The following CSNK1A1 variants were observed in gnomAD, a reference collection of about 807,000 sequenced individuals.
CSNK1A1 encodes casein kinase I isoform alpha.
In CSNK1A1, 7 loss-of-function variants were observed where a neutral mutation model predicts 46.1. The ratio of observed to expected loss-of-function variants is 0.15; its 90% CI spans 0.09 to 0.29. The LOEUF (loss-of-function observed/expected upper bound fraction) is 0.29, where lower values mean the gene tolerates loss of function less well. CSNK1A1 is among the 10% of genes least tolerant of loss of function. The pLI, the probability that CSNK1A1 is intolerant of heterozygous loss-of-function variation, is 1.00. For missense variants in CSNK1A1, 96 were observed against 417.1 expected (o/e 0.23, Z 6.71); for synonymous variants, 137 against 141.5 (o/e 0.97, Z 0.23).
At chr5:149,513,037 G>A in intron 5 of CSNK1A1, 33 bp downstream of exon 5, 2 of 1,610,886 alleles carry the variant, frequency 1.2e-6, no homozygotes, top group Non-Finnish European at 1.7e-6. Flanking sequence ...TTCTGCTATG[G>A]CTATGATAAG....
intron 2 of CSNK1A1, among the ~76,000 whole-genome samples, chr5:149,546,304 T>G (rs2113202428): frequency 6.6e-6 from 1 of 152,164 alleles, no homozygotes; most frequent in South Asian, 2.1e-4. Flanking sequence ...GGCCAGGTAA[T>G]TTTCAGTCTC....
In CSNK1A1 at chr5:149,509,965, A is replaced by G; in HGVS notation, c.676-12T>C. On this transcript the variant is annotated splice_polypyrimidine_tract_variant and intron_variant, in intron 6 of 9. Coordinates refer to ENST00000377843, the MANE Select transcript of CSNK1A1 (RefSeq NM_001892.6). ...TTCTTTGTTGCAGCCTGTGGAAAAG[A>G]ATAAAATAAAAAAGATATACTCAGT... 1 of 1,575,030 alleles carries G rather than the reference A, an allele frequency of 6.3e-7. No homozygotes were observed. Among genetic ancestry groups the G allele is most frequent in the Non-Finnish European group, 8.7e-7 (1 of 1,153,130 alleles).
chr5:149,542,154 T>C (rs913628531), intron 2 of CSNK1A1, among the ~76,000 whole-genome samples: 1 of 151,776 alleles, frequency 6.6e-6, no homozygotes. Context: ...ATCAACAGAA[T>C]TAGATTCTCA....
chr5:149,502,454 C>T (rs1033517121), intron 9 of CSNK1A1: 29 of 375,318 alleles, frequency 7.7e-5, no homozygotes, highest in Non-Finnish European at 1.1e-4. Context: ...GTGATACTCC[C>T]ACCTCAGCCT....
chr5:149,535,435 A>G (rs1374685171), intron 2 of CSNK1A1, among the ~76,000 whole-genome samples: 1 of 152,128 alleles, frequency 6.6e-6, no homozygotes, highest in Non-Finnish European at 1.5e-5. Context: ...CACCCACCAT[A>G]CTTGTAAAAT....
chr5:149,497,928 G>T, intron 9 of CSNK1A1: 1 of 745,666 alleles, frequency 1.3e-6, no homozygotes, highest in Non-Finnish European at 1.6e-6. Context: ...CTGCCTCCTG[G>T]GTTCAAGCGA....
chr5:149,527,129 C>T (rs1362117703), intron 2 of CSNK1A1, among the ~76,000 whole-genome samples: 1 of 137,474 alleles, frequency 7.3e-6, no homozygotes, highest in African/African-American at 2.6e-5. Flanking sequence ...GCAAAAGAGC[C>T]ATTTTTTTTT....
chr5:149,514,229 T>C (rs1385867524), intron 4 of CSNK1A1, among the ~76,000 whole-genome samples: 2 of 152,220 alleles, frequency 1.3e-5, no homozygotes, highest in African/African-American at 2.4e-5. Context: ...TTTAGTGTTA[T>C]CATGTCTATA....
intron 2 of CSNK1A1, chr5:149,529,865 T>G (rs1761836108): frequency 3.0e-6 from 1 of 332,064 alleles, no homozygotes; most frequent in Admixed American, 3.2e-5. Context: ...AATTAGGAAG[T>G]GTTATACTAT....
intron 9 of CSNK1A1, chr5:149,502,240 A>T (rs553819393): frequency 1.1e-6 from 1 of 946,780 alleles, no homozygotes; most frequent in East Asian, 1.2e-4. Flanking sequence ...ATTTTCCTAC[A>T]TTAGAGATTT....
intron 2 of CSNK1A1, among the ~76,000 whole-genome samples, chr5:149,544,229 T>A (rs192311443): frequency 6.6e-6 from 1 of 152,334 alleles, no homozygotes; most frequent in Non-Finnish European, 1.5e-5. Flanking sequence ...CCTTTTTTTA[T>A]GTTCTAAATG....
At chr5:149,545,400 T>C (rs1047556982) in intron 2 of CSNK1A1, 6 of 492,008 alleles carry the variant, frequency 1.2e-5, no homozygotes, top group African/African-American at 5.9e-5. Flanking sequence ...GAAGCCTTTG[T>C]AGGGGCCTGA....
At chr5:149,500,112 G>A (rs912897244) in intron 9 of CSNK1A1, among the ~76,000 whole-genome samples, 2 of 144,126 alleles carry the variant, frequency 1.4e-5, no homozygotes, top group African/African-American at 5.1e-5. Flanking sequence ...GGGACTACAG[G>A]CACCCGCCAC....
At chr5:149,534,906 CAAAA>C (rs537826461) in intron 2 of CSNK1A1, among the ~76,000 whole-genome samples, 2 of 72,522 alleles carry the variant, frequency 2.8e-5, no homozygotes, top group African/African-American at 4.8e-5. Context: ...CCTTGTCTCC[CAAAA>C]AAAAAAAAAA....
intron 2 of CSNK1A1, chr5:149,529,769 T>C: frequency 2.2e-6 from 1 of 456,146 alleles, no homozygotes; most frequent in Non-Finnish European, 4.4e-6. Flanking sequence ...TGAGACATAA[T>C]TAAAATCAGT....
rs1162496799 is a variant in CSNK1A1, at chr5:149,499,967, CT to C, written c.1007-3108del. On this transcript the variant is annotated intron_variant, in intron 9 of 9. Transcript: ENST00000377843. ...GTTGTGGGGTTTTTTTTCTTTTTTT[CT>C]TTTTTTTTTTTTTTTTTTGAGACGG... Among the ~76,000 whole-genome samples, 300 of 77,678 alleles carry C rather than the reference CT, an allele frequency of 3.9e-3. No individual in the cohort carries two copies. The East Asian group carries it at 0.059, about 15-fold the overall frequency. The allele number at this position is 77,678 out of a possible 152,430, so 51.0% of individuals were successfully genotyped here.
rs1373566163 is a variant in CSNK1A1, at chr5:149,493,524, CA to C, written c.*3328del. On this transcript the variant is annotated 3_prime_UTR_variant, in exon 10 of 10. Coordinates refer to ENST00000377843, the MANE Select transcript of CSNK1A1 (RefSeq NM_001892.6). Reference sequence around the variant, plus strand: ...ATTTCAGAAAATAATTTCACTTCAACAATACACTGTTTGTTGATTCAACACA... The same window carrying C: ...ATTTCAGAAAATAATTTCACTTCAACATACACTGTTTGTTGATTCAACACA... 1 of 151,860 alleles carries C rather than the reference CA, an allele frequency of 6.6e-6. No homozygotes were observed. The highest frequency in any genetic ancestry group is 2.4e-5 in the African/African-American group (1 of 41,334). 9.4% of individuals were successfully genotyped at this position (151,860 alleles called of 1,614,324 possible). A position where few individuals can be genotyped will look rare whatever the true frequency, so the allele number is the denominator to read the frequency against.
intron 9 of CSNK1A1, chr5:149,501,201 C>T: frequency 1.0e-6 from 1 of 985,372 alleles, no homozygotes; most frequent in Non-Finnish European, 1.2e-6. Flanking sequence ...CAAACCAACT[C>T]TTGCACTTTC....
At chr5:149,539,110 G>C (rs1360735465) in intron 2 of CSNK1A1, among the ~76,000 whole-genome samples, 1 of 152,030 alleles carries the variant, frequency 6.6e-6, no homozygotes, top group Non-Finnish European at 1.5e-5. Flanking sequence ...GAGGTAAATG[G>C]TTTCATACAT....
Sources: allele counts gnomAD v4.1 joint callset (sites outside exome capture counted in the v4.1 genomes callset), GRCh38; gene constraint gnomAD v4.1.1; transcripts MANE v1.5; gene names NCBI Gene and HGNC (gene_info 2026-07-23, HGNC 2026-07-21).